DPF3: variants seen among roughly 807,000 people sequenced by gnomAD.
The protein encoded by DPF3 is zinc finger protein DPF3.
In DPF3, 18 loss-of-function variants were observed where a neutral mutation model predicts 56.8. That is an observed-to-expected ratio of 0.32 (90% CI 0.22 to 0.47). DPF3 has a LOEUF of 0.47. Ranked by LOEUF, DPF3 falls within the 20% of genes least tolerant of loss-of-function variation. DPF3 has a pLI of 1.00. For synonymous variants in DPF3, 188 were observed against 180.2 expected, an observed-to-expected ratio of 1.04 and a Z score of -0.35; for missense variants, 403 against 488.8, an observed-to-expected ratio of 0.82 and a Z score of 1.65.
At chr14:72,867,517 G>A (rs184804326) in intron 1 of DPF3, among the ~76,000 whole-genome samples, 125 of 152,268 alleles carry the variant, frequency 8.2e-4, no homozygotes, top group Non-Finnish European at 1.4e-3. Context: ...CCGATAGATG[G>A]TTGGGGTACT....
chr14:72,722,305 C>CAG (rs898385807), intron 5 of DPF3, among the ~76,000 whole-genome samples: 3 of 152,228 alleles, frequency 2.0e-5, no homozygotes, highest in African/African-American at 7.2e-5. Context: ...AGTGCACCAT[C>CAG]AGAGAGCTGC....
chr14:72,884,992 G>A (rs55876696), intron 1 of DPF3, among the ~76,000 whole-genome samples: 62,283 of 105,382 alleles, frequency 0.59, 19,538 homozygotes, highest in South Asian at 0.73. Flanking sequence ...TAAGGCGGGC[G>A]CCTGCAGTCC....
rs1029568893 is a variant in DPF3 at position 72,707,679 on chromosome 14, T to C, written c.604+6744A>G. ...ATTTCTTAGTCGTCTTCTGTGTGCGTGTGTGTGTGTGTGTGTGTATGTGTG... is the reference window on the plus strand; with the variant it reads ...ATTTCTTAGTCGTCTTCTGTGTGCGCGTGTGTGTGTGTGTGTGTATGTGTG... On this transcript the variant is annotated intron_variant, in intron 6 of 10. Transcript: ENST00000556509. 4.0e-5 allele frequency among the ~76,000 whole-genome samples: 6 copies of C among 149,902 alleles called. No homozygotes were observed. In the East Asian group the frequency reaches 1.2e-3, roughly 29 times the overall value.
At chr14:72,838,906 T>TGTATATATA (rs375598670) in intron 1 of DPF3, among the ~76,000 whole-genome samples, 1 of 87,764 alleles carries the variant, frequency 1.1e-5, no homozygotes, top group Non-Finnish European at 2.2e-5. Context: ...ATCATATATA[T>TGTATATATA]TCTTTTTTTT....
At chr14:72,775,074 G>A (rs368976838) in intron 1 of DPF3, among the ~76,000 whole-genome samples, 5 of 152,060 alleles carry the variant, frequency 3.3e-5, no homozygotes, top group Non-Finnish European at 5.9e-5. Context: ...ATACCACATC[G>A]ATAGAGAACT....
At chr14:72,793,777 T>C (rs768156680) in intron 1 of DPF3, among the ~76,000 whole-genome samples, 9 of 152,324 alleles carry the variant, frequency 5.9e-5, no homozygotes, top group South Asian at 4.1e-4. Flanking sequence ...GTGATTTTCA[T>C]TGGACCTGCC....
intron 8 of DPF3, chr14:72,670,518 G>T (rs947371140): frequency 3.1e-6 from 3 of 972,702 alleles, no homozygotes; most frequent in Non-Finnish European, 3.6e-6. Flanking sequence ...GGTCTGCCGC[G>T]GGGAGCCGCA....
chr14:72,821,924 C>A (rs1883564461), intron 1 of DPF3, among the ~76,000 whole-genome samples: 2 of 152,076 alleles, frequency 1.3e-5, no homozygotes, highest in African/African-American at 4.8e-5. Flanking sequence ...CAGAGGATCA[C>A]TTGAGCCCAG....
intron 8 of DPF3, among the ~76,000 whole-genome samples, chr14:72,653,514 A>G (rs906765898): frequency 7.9e-5 from 12 of 152,222 alleles, no homozygotes; most frequent in African/African-American, 2.7e-4. Context: ...CCAAGAAGTA[A>G]ATCAGCTGAG....
chr14:72,628,779 T>A (rs79427762), intron 9 of DPF3, among the ~76,000 whole-genome samples: 2 of 151,966 alleles, frequency 1.3e-5, no homozygotes, highest in East Asian at 3.9e-4. Flanking sequence ...CAGAGGAAAA[T>A]GTCAGACAGC....
intron 7 of DPF3, among the ~76,000 whole-genome samples, chr14:72,688,687 T>A (rs1033830244): frequency 2.0e-5 from 3 of 152,212 alleles, no homozygotes; most frequent in African/African-American, 7.2e-5. Context: ...CATTCATGTA[T>A]GTGTACATCT....
At chr14:72,685,581 T>G (rs1887373333) in intron 7 of DPF3, among the ~76,000 whole-genome samples, 1 of 152,208 alleles carries the variant, frequency 6.6e-6, no homozygotes. Flanking sequence ...GGTACATGAC[T>G]CATGAATTCA....
chr14:72,850,061 GT>G (rs1275468415), intron 1 of DPF3, among the ~76,000 whole-genome samples: 1 of 152,130 alleles, frequency 6.6e-6, no homozygotes, highest in Non-Finnish European at 1.5e-5. Context: ...GGAGGTTGCA[GT>G]GAGCCGAGAT....
chr14:72,839,814 G>A (rs1249052584), intron 1 of DPF3, among the ~76,000 whole-genome samples: 1 of 152,200 alleles, frequency 6.6e-6, no homozygotes, highest in Non-Finnish European at 1.5e-5. Flanking sequence ...AACCTGCACT[G>A]TAGGACCCAC....
intron 9 of DPF3, among the ~76,000 whole-genome samples, chr14:72,620,864 G>T (rs1884388851): frequency 1.3e-5 from 2 of 152,114 alleles, no homozygotes. Context: ...TTCTTGGCTG[G>T]GCGCTGTGGC....
intron 7 of DPF3, among the ~76,000 whole-genome samples, chr14:72,689,224 G>T (rs1599359120): frequency 6.6e-6 from 1 of 152,268 alleles, no homozygotes; most frequent in South Asian, 2.1e-4. Context: ...TAGAGCAAGC[G>T]ACAGCAGGAG....
chr14:72,869,554 G>A (rs774513899), intron 1 of DPF3, among the ~76,000 whole-genome samples: 16 of 152,078 alleles, frequency 1.1e-4, no homozygotes, highest in East Asian at 1.9e-4. Context: ...AAATCTTCTC[G>A]ACTGTCACAC....
intron 3 of DPF3, among the ~76,000 whole-genome samples, chr14:72,735,875 A>G (rs960008287): frequency 1.3e-5 from 2 of 152,238 alleles, no homozygotes; most frequent in Non-Finnish European, 2.9e-5. Flanking sequence ...AAGAATCCAC[A>G]CACAAAAAAA....
At chr14:72,698,794 A>G (rs1888021478) in intron 6 of DPF3, among the ~76,000 whole-genome samples, 1 of 152,272 alleles carries the variant, frequency 6.6e-6, no homozygotes, top group Non-Finnish European at 1.5e-5. Flanking sequence ...TGGGTTTGCC[A>G]GGACATAGCA....
Sources: allele counts gnomAD v4.1 joint callset (sites outside exome capture counted in the v4.1 genomes callset), GRCh38; gene constraint gnomAD v4.1.1; transcripts MANE v1.5; gene names NCBI Gene and HGNC (gene_info 2026-07-23, HGNC 2026-07-21).